The following PKD1 variants were observed in gnomAD, a reference collection of about 807,000 sequenced individuals.
PKD1 encodes the protein polycystin 1, transient receptor potential channel interacting.
A neutral mutation model predicts 361.7 loss-of-function variants in PKD1; 81 were observed. The observed-to-expected ratio is 0.22, with a 90% CI of 0.19 to 0.27. PKD1 has a LOEUF of 0.27. Among genes scored for constraint, PKD1 ranks in the 10% least tolerant of loss-of-function variants. The probability of loss-of-function intolerance (pLI) is 1.00; values close to 1 mark genes in which losing one functional copy is unlikely to be tolerated. For synonymous variants in PKD1, 3,615 were observed against 2,818.3 expected (o/e 1.28, Z -8.95); for missense variants, 6,399 against 6,118.3 (o/e 1.05, Z -1.53).
chr16:2,103,301 C>A lies in PKD1; in HGVS notation c.8756G>T (p.Gly2919Val), dbSNP rs1555450923. 6.2e-7 allele frequency: 1 copy of A among 1,609,174 alleles called. No homozygotes were observed. The highest frequency in any genetic ancestry group is 8.5e-7 in the Non-Finnish European group (1 of 1,179,670). The part of the protein sequence containing the change: ...VTLDSSNPAA[G>V]LHLQLNYTLL... Reference sequence around the variant, plus strand: ...CGTATAGTTGAGCTGCAGATGCAGCCCGGCCGCAGGGTTGCTGCTGTCCAG... The same window carrying A: ...CGTATAGTTGAGCTGCAGATGCAGCACGGCCGCAGGGTTGCTGCTGTCCAG... Residue 2919 changes from glycine (G) to valine (V), a missense_variant, in exon 23 of 46, where the codon GGG becomes GTG. Gly to Val is a moderately radical substitution (Grantham distance 109). Transcript: ENST00000262304.
At chr16:2,104,884 G>A (rs954638006) in intron 21 of PKD1, among the ~76,000 whole-genome samples, 28 of 95,930 alleles carry the variant, frequency 2.9e-4, no homozygotes, top group Admixed American at 2.3e-3. Flanking sequence ...ACATGAGAGC[G>A]GAGGAGGAGG....
chr16:2,106,243 A>G lies in PKD1; in HGVS notation c.7551T>C (p.Cys2517=). ...PLVYALLLRR[C]RQGHCEEFCV... ...AGAACTCCTCGCAGTGGCCCTGGCG[A>G]CAGCGCCGCAGCAGCAGGGCGTACA... is the stretch of plus-strand genomic sequence containing the variant. The change falls in exon 19 of 46, where the codon TGT becomes TGC. Residue 2517 remains cysteine (C), a synonymous_variant. Coordinates refer to ENST00000262304, the MANE Select transcript of PKD1 (RefSeq NM_001009944.3). This position sits in a 1 kb window ranked among gnomAD's most constrained non-coding sequence, Gnocchi z 6.5. The G allele has an allele frequency of 3.1e-6, 5 of 1,610,204 alleles. No individual in the cohort carries two copies. Among genetic ancestry groups the G allele is most frequent in the East Asian group, 2.2e-5 (1 of 44,862 alleles).
rs952446920 is a variant in PKD1 at position 2,097,161 on chromosome 16, G to A, written c.10486C>T (p.Leu3496=). The A allele has an allele frequency of 1.3e-5, 20 of 1,551,516 alleles. No individual in the cohort carries two copies. The highest frequency in any genetic ancestry group is 2.0e-5 in the Admixed American group (1 of 51,198). ...PTQDTHMETD[L]LSSLSSTPGE... ...CCGGACACTCACAGGCTGCTGAGCAGGTCCGTTTCCATGTGGGTGTCTTGG... is the reference window on the plus strand; with the variant it reads ...CCGGACACTCACAGGCTGCTGAGCAAGTCCGTTTCCATGTGGGTGTCTTGG... Residue 3496 remains leucine (L), a synonymous_variant, in exon 34 of 46, where the codon CTG becomes TTG. Coordinates refer to ENST00000262304, the MANE Select transcript of PKD1 (RefSeq NM_001009944.3).
Position 2,111,590 on chromosome 16 carries a change from C to T in PKD1, c.3577G>A (p.Val1193Ile), listed in dbSNP as rs749818126. 3.2e-6 allele frequency: 5 copies of T among 1,573,492 alleles called. No homozygotes were observed. Among genetic ancestry groups the T allele is most frequent in the Non-Finnish European group, 4.3e-6 (5 of 1,160,608 alleles). Reference sequence around the variant, plus strand: ...GCCGCACCGCTCACCGTGTTGTTGACCTCCAGGCGCACGTGGTAGGTGCCC... The same window carrying T: ...GCCGCACCGCTCACCGTGTTGTTGATCTCCAGGCGCACGTGGTAGGTGCCC... ...SRGTYHVRLE[V>I]NNTVSGAAAQ... Residue 1193 changes from valine (V) to isoleucine (I), a missense_variant, in exon 15 of 46, where the codon GTC (valine) becomes ATC (isoleucine). By Grantham distance (29) the Val-to-Ile change is conservative. Transcript: ENST00000262304.
At chr16:2,124,177 C>T (rs554664371) in intron 1 of PKD1, among the ~76,000 whole-genome samples, 1 of 152,352 alleles carries the variant, frequency 6.6e-6, no homozygotes, top group East Asian at 1.9e-4. Flanking sequence ...GGCTGCCCCT[C>T]CACACCCGTC....
At position 2,103,288 on chromosome 16, in the gene PKD1, C is replaced by G. The variant is rs954124689; in HGVS notation, c.8769G>C (p.Gln2923His). The G allele has an allele frequency of 5.0e-6, 8 of 1,609,706 alleles. No individual in the cohort carries two copies. Among genetic ancestry groups the G allele is most frequent in the East Asian group, 2.2e-5 (1 of 44,876 alleles). The change falls in exon 23 of 46, where the codon CAG becomes CAC. Residue 2923 changes from glutamine (Q) to histidine (H), a missense_variant. Transcript: ENST00000262304. ...CACCGTCCAGCAGCGTATAGTTGAG[C>G]TGCAGATGCAGCCCGGCCGCAGGGT... ...SSNPAAGLHL[Q>H]LNYTLLDGHY...
chr16:2,110,149 C>G lies in PKD1; in HGVS notation c.5018G>C (p.Gly1673Ala). 6.2e-7 allele frequency: 1 copy of G among 1,609,986 alleles called. No homozygotes were observed. The highest frequency in any genetic ancestry group is 8.5e-7 in the Non-Finnish European group (1 of 1,179,484). ...SYSWTAWRDR[G>A]PALAGSGKGF... ...TTTGCCGCTGCCGGCCAGGGCCGGGCCCCTGTCCCTCCAGGCAGTCCAGCT... is the reference window on the plus strand; with the variant it reads ...TTTGCCGCTGCCGGCCAGGGCCGGGGCCCTGTCCCTCCAGGCAGTCCAGCT... The change falls in exon 15 of 46, where the codon GGC (glycine) becomes GCC (alanine). Residue 1673 changes from glycine (G) to alanine (A), a missense_variant. Physicochemically the swap from Gly to Ala is moderately conservative, Grantham distance 60. Transcript: ENST00000262304.
chr16:2,114,140 G>A (rs1359804705), intron 11 of PKD1, 30 bp downstream of exon 11: 7 of 1,592,866 alleles, frequency 4.4e-6, no homozygotes, highest in Non-Finnish European at 6.0e-6. Context: ...CCTGCCTGGG[G>A]GCTGGTGGTG....
rs371487571 is a variant in PKD1 at position 2,104,468 on chromosome 16, G to A, written c.8161+30C>T. The A allele has an allele frequency of 6.7e-5, 100 of 1,485,776 alleles. 7 individuals are homozygous for A. In the African/African-American group the frequency reaches 1.1e-3, roughly 16 times the overall value. The allele number at this position is 1,485,776 out of a possible 1,614,324, so 92.0% of individuals were successfully genotyped here. A position where few individuals can be genotyped will look rare whatever the true frequency, so the allele number is the denominator to read the frequency against. On this transcript the variant is annotated intron_variant, in intron 22 of 45. Transcript: ENST00000262304. ...CAGAGGAAAGGGCCGCACGGGGCGG[G>A]CGGGTGGCATGGGGCACGGGCCGCG...
rs748496606 is a variant in PKD1, at chr16:2,112,823, G to A, written c.3126C>T (p.Gly1042=). 64 of 1,600,540 alleles carry A rather than the reference G, an allele frequency of 4.0e-5. No individual in the cohort carries two copies. The highest frequency in any genetic ancestry group is 1.6e-4 in the South Asian group (15 of 90,982). ...CCTCCACGGCCGAGTCCACCAGCAC[G>A]CCCGCCGTCAGTGCTAGCGTGGCAT... The part of the protein sequence containing the change: ...SPNATLALTA[G]VLVDSAVEVA... The change falls in exon 13 of 46, where the codon GGC becomes GGT. Residue 1042 remains glycine, a synonymous_variant. Transcript: ENST00000262304.
chr16:2,116,107 G>C lies in PKD1; in HGVS notation c.1734C>G (p.Phe578Leu), dbSNP rs1339700919. ...APHEPVEVMV[F>L]PGLRLSREAF... The stretch of plus-strand genomic sequence containing the variant: ...CTTCACGGCTCAGACGCAGGCCCGG[G>C]AATACCATGACCTGGTGGGCAGGGG... Residue 578 changes from phenylalanine to leucine, a missense_variant, in exon 9 of 46, where the codon TTC (phenylalanine) becomes TTG (leucine). By Grantham distance (22) the Phe-to-Leu change is conservative. Transcript: ENST00000262304. 6 of 1,550,944 alleles carry C rather than the reference G, an allele frequency of 3.9e-6. No homozygotes were observed. In the East Asian group the frequency reaches 1.4e-4, roughly 36 times the overall value.
rs202207855 is a variant in PKD1, at chr16:2,090,953, G to A, written c.11934C>T (p.Asp3978=). ...RGRPRRFTSF[D]QVAQLSSAAR... Reference sequence around the variant, plus strand: ...CTGCGGAGCTCAGCTGCGCCACCTGGTCGAAGCTAGTGAAGCGGCGCGGGC... The same window carrying A: ...CTGCGGAGCTCAGCTGCGCCACCTGATCGAAGCTAGTGAAGCGGCGCGGGC... The change falls in exon 43 of 46, where the codon GAC becomes GAT. Residue 3978 remains aspartate, a synonymous_variant. Transcript: ENST00000262304. The A allele has an allele frequency of 7.9e-4, 1,241 of 1,561,184 alleles. 17 individuals are homozygous for A. The African/African-American group carries it at 0.015, about 18-fold the overall frequency.
At position 2,097,489 on chromosome 16, in the gene PKD1, G is replaced by A. The variant is rs1389951508; in HGVS notation, c.10235C>T (p.Pro3412Leu). Reference protein sequence around the residue: ...LDDSKSLVCWPSGEGTLSWPD... With the variant: ...LDDSKSLVCWLSGEGTLSWPD... ...CCAACTGAGCGTTCCCTCGCCGGAG[G>A]GCCAGCACACCAGACTGCAGGTGGC... Residue 3412 changes from proline to leucine, a missense_variant, in exon 33 of 46, where the codon CCC (proline) becomes CTC (leucine). Physicochemically the swap from Pro to Leu is moderately conservative, Grantham distance 98. Coordinates refer to ENST00000262304, the MANE Select transcript of PKD1 (RefSeq NM_001009944.3). 3.7e-6 allele frequency: 6 copies of A among 1,602,078 alleles called. No individual in the cohort carries two copies. The highest frequency in any genetic ancestry group is 5.1e-6 in the Non-Finnish European group (6 of 1,179,824).
At position 2,112,380 on chromosome 16, in the gene PKD1, C is replaced by T. The variant is rs754575596; in HGVS notation, c.3255G>A (p.Val1085=). 3.1e-6 allele frequency: 5 copies of T among 1,587,306 alleles called. No individual in the cohort carries two copies. The Admixed American group carries it at 6.7e-5, about 21-fold the overall frequency. ...TGTGCATGACATTGTGCTCCACCAGCACCTGGGCCACCGAGGGGTCTGGAA... is the reference window on the plus strand; with the variant it reads ...TGTGCATGACATTGTGCTCCACCAGTACCTGGGCCACCGAGGGGTCTGGAA... ...FPVPDPSVAQ[V]LVEHNVMHTY... Residue 1085 remains valine, a synonymous_variant, in exon 14 of 46, where the codon GTG becomes GTA. Transcript: ENST00000262304.
Position 2,109,034 on chromosome 16 carries a change from C to T in PKD1, c.6133G>A (p.Ala2045Thr), listed in dbSNP as rs544753708. 3.1e-6 allele frequency: 5 copies of T among 1,608,924 alleles called. No individual in the cohort carries two copies. The highest frequency in any genetic ancestry group is 1.7e-5 in the Admixed American group (1 of 59,944). The change falls in exon 15 of 46, where the codon GCC (alanine) becomes ACC (threonine). Residue 2045 changes from alanine to threonine, a missense_variant. By Grantham distance (58) the Ala-to-Thr change is moderately conservative. Transcript: ENST00000262304. Reference sequence around the variant, plus strand: ...AGCGTGCGGTTCTCACTGCCCAGGGCGTTGAAGGCGCGCACCTGGATCTCC... The same window carrying T: ...AGCGTGCGGTTCTCACTGCCCAGGGTGTTGAAGGCGCGCACCTGGATCTCC... ...LLEIQVRAFNALGSENRTLVL... is the reference protein window; with the variant it reads ...LLEIQVRAFNTLGSENRTLVL...
At chr16:2,116,202 G>A (rs2092632271) in intron 8 of PKD1, 84 bp from the exon 9 acceptor site, 1 of 1,423,876 alleles carries the variant, frequency 7.0e-7, no homozygotes, top group Admixed American at 1.9e-5. Flanking sequence ...TTCCCAGGAA[G>A]AGGGGAGGGA....
chr16:2,109,443 C>T lies in PKD1; in HGVS notation c.5724G>A (p.Gln1908=), dbSNP rs80360490. 6.2e-7 allele frequency: 1 copy of T among 1,606,362 alleles called. No homozygotes were observed. Among genetic ancestry groups the T allele is most frequent in the Non-Finnish European group, 8.5e-7 (1 of 1,179,514 alleles). Residue 1908 remains glutamine (Q), a synonymous_variant, in exon 15 of 46, where the codon CAG becomes CAA. Transcript: ENST00000262304. ...VVAPGQLVHF[Q]ILLAAGSAVT... is the part of the protein sequence containing the mutation. ...CAGCTGAGCCGGCAGCCAGCAGGAT[C>T]TGAAAATGGACCAGCTGCCCGGGCG...
rs1242837732 is a variant in PKD1 at position 2,099,762 on chromosome 16, T to C, written c.9932A>G (p.His3311Arg). 1.0e-5 allele frequency: 16 copies of C among 1,554,006 alleles called. No individual in the cohort carries two copies. Among genetic ancestry groups the C allele is most frequent in the Middle Eastern group, 2.3e-4 (1 of 4,364 alleles). Reference sequence around the variant, plus strand: ...GCTCAGCGGGCTCAGCCTGGACACATGCCCCGTGCTGTGTGGAGGAGAGGA... The same window carrying C: ...GCTCAGCGGGCTCAGCCTGGACACACGCCCCGTGCTGTGTGGAGGAGAGGA... Reference protein sequence around the residue: ...AVGDSAYSTGHVSRLSPLSVD... With the variant: ...AVGDSAYSTGRVSRLSPLSVD... The change falls in exon 30 of 46, where the codon CAT (histidine) becomes CGT (arginine). Residue 3311 changes from histidine (H) to arginine (R), a missense_variant. Transcript: ENST00000262304.
At position 2,110,814 on chromosome 16, in the gene PKD1, G is replaced by C; in HGVS notation, c.4353C>G (p.Ile1451Met). 1.2e-6 allele frequency: 2 copies of C among 1,611,656 alleles called. No homozygotes were observed. Among genetic ancestry groups the C allele is most frequent in the South Asian group, 1.1e-5 (1 of 91,032 alleles). ...YLVTVTASNN[I>M]SAANDSALVE... Reference sequence around the variant, plus strand: ...CCAGGGCTGAGTCATTGGCAGCAGAGATGTTGTTGGACGCGGTGACTGTCA... The same window carrying C: ...CCAGGGCTGAGTCATTGGCAGCAGACATGTTGTTGGACGCGGTGACTGTCA... Residue 1451 changes from isoleucine to methionine, a missense_variant, in exon 15 of 46, where the codon ATC (isoleucine) becomes ATG (methionine). Ile to Met is a conservative substitution (Grantham distance 10, BLOSUM62 1). Transcript: ENST00000262304.
Sources: allele counts gnomAD v4.1 joint callset (sites outside exome capture counted in the v4.1 genomes callset), GRCh38; gene constraint gnomAD v4.1.1; non-coding constraint Gnocchi (gnomAD v3.1); transcripts MANE v1.5; gene names NCBI Gene and HGNC (gene_info 2026-07-23, HGNC 2026-07-21).